The following TMEM196 variants were observed in gnomAD, a reference collection of about 807,000 sequenced individuals.
TMEM196 encodes the protein transmembrane protein 196.
TMEM196 carries 17 observed loss-of-function variants against 20.0 expected under a neutral mutation model. The ratio of observed to expected loss-of-function variants is 0.85; its 90% CI spans 0.58 to 1.27. The LOEUF is 1.27. Ranked by LOEUF, TMEM196 falls within the 50% of genes most tolerant of loss-of-function variation. The probability of loss-of-function intolerance (pLI) is 0.00; values close to 1 mark genes in which losing one functional copy is unlikely to be tolerated. For synonymous variants in TMEM196, 113 were observed against 88.9 expected (o/e 1.27, Z -1.52); for missense variants, 267 against 223.0 (o/e 1.20, Z -1.26).
intron 1 of TMEM196, among the ~76,000 whole-genome samples, chr7:19,755,409 T>G (rs931193292): frequency 1.3e-5 from 2 of 152,184 alleles, no homozygotes; most frequent in African/African-American, 4.8e-5. Flanking sequence ...GTGAATGAAT[T>G]TCAGTTCAGT....
intron 1 of TMEM196, among the ~76,000 whole-genome samples, chr7:19,747,098 A>G (rs1277233390): frequency 6.6e-6 from 1 of 151,494 alleles, no homozygotes; most frequent in African/African-American, 2.4e-5. Flanking sequence ...TACTAAAAAT[A>G]CAAAAAATTA....
At chr7:19,757,011 A>G (rs1258836900) in intron 1 of TMEM196, among the ~76,000 whole-genome samples, 1 of 152,132 alleles carries the variant, frequency 6.6e-6, no homozygotes, top group African/African-American at 2.4e-5. Flanking sequence ...AGTAATGGCT[A>G]CAAGTCAAGA....
At position 19,719,827 on chromosome 7, in the gene TMEM196, A is replaced by G. The variant is rs1370359099; in HGVS notation, c.*2301T>C. The G allele has an allele frequency of 6.6e-6, 1 of 152,106 alleles. No homozygotes were observed. Among genetic ancestry groups the G allele is most frequent in the Non-Finnish European group, 1.5e-5 (1 of 67,944 alleles). 9.4% of individuals were successfully genotyped at this position (152,106 alleles called of 1,614,324 possible). On this transcript the variant is annotated 3_prime_UTR_variant, in exon 5 of 5. Coordinates refer to ENST00000405844, the MANE Select transcript of TMEM196 (RefSeq NM_001363562.2). ...ATACTTGGTTAAACATACACTGTAA[A>G]CTATTTGAATAATTGTGATGATGGC...
At chr7:19,757,951 T>A (rs1037411783) in intron 1 of TMEM196, among the ~76,000 whole-genome samples, 1 of 147,042 alleles carries the variant, frequency 6.8e-6, no homozygotes, top group Admixed American at 6.9e-5. Flanking sequence ...AATGAAGCCA[T>A]TTTTATATAT....
chr7:19,753,927 G>C (rs1211193301), intron 1 of TMEM196, among the ~76,000 whole-genome samples: 1 of 152,080 alleles, frequency 6.6e-6, no homozygotes, highest in Non-Finnish European at 1.5e-5. Context: ...TTCCAGGTTT[G>C]CCACCGAAGG....
intron 1 of TMEM196, among the ~76,000 whole-genome samples, chr7:19,755,744 G>A (rs1455275037): frequency 2.0e-5 from 3 of 152,110 alleles, no homozygotes; most frequent in Admixed American, 6.6e-5. Context: ...AAAACAAAAT[G>A]TGAGGCCAGG....
chr7:19,734,380 A>G (rs1784322119), intron 1 of TMEM196, among the ~76,000 whole-genome samples: 1 of 152,208 alleles, frequency 6.6e-6, no homozygotes, highest in Admixed American at 6.5e-5. Flanking sequence ...TGGCCCTCCA[A>G]ATATGTCCAT....
intron 1 of TMEM196, among the ~76,000 whole-genome samples, chr7:19,761,514 A>T (rs1219918878): frequency 1.3e-5 from 2 of 152,164 alleles, no homozygotes; most frequent in East Asian, 3.9e-4. Flanking sequence ...AAAATGTACA[A>T]CAGACACGTT....
chr7:19,727,704 T>C (rs1265603106), intron 2 of TMEM196, among the ~76,000 whole-genome samples: 1 of 152,188 alleles, frequency 6.6e-6, no homozygotes, highest in African/African-American at 2.4e-5. Flanking sequence ...ATTATTGTTA[T>C]AGAGAAAGCA....
chr7:19,723,933 A>G (rs1003559728), intron 4 of TMEM196, among the ~76,000 whole-genome samples: 2 of 152,184 alleles, frequency 1.3e-5, no homozygotes, highest in Admixed American at 6.5e-5. Flanking sequence ...TTATCCAGAC[A>G]TATCTATTAT....
chr7:19,753,416 G>T (rs956258946), intron 1 of TMEM196, among the ~76,000 whole-genome samples: 1 of 151,992 alleles, frequency 6.6e-6, no homozygotes, highest in Admixed American at 6.6e-5. Context: ...TCTGATCTCA[G>T]CACATGTTCA....
At chr7:19,728,984 A>G (rs963082541) in intron 2 of TMEM196, among the ~76,000 whole-genome samples, 2 of 152,226 alleles carry the variant, frequency 1.3e-5, no homozygotes, top group African/African-American at 2.4e-5. Flanking sequence ...AAGAAAGCCA[A>G]TAATCCTTAG....
intron 1 of TMEM196, among the ~76,000 whole-genome samples, chr7:19,752,772 G>A (rs961273675): frequency 2.6e-5 from 4 of 151,644 alleles, no homozygotes; most frequent in Non-Finnish European, 5.9e-5. Context: ...GCACAACTAC[G>A]CCTGGCTAAT....
At chr7:19,771,225 T>C (rs1040999187) in intron 1 of TMEM196, among the ~76,000 whole-genome samples, 1 of 152,106 alleles carries the variant, frequency 6.6e-6, no homozygotes. Flanking sequence ...ATATATACAT[T>C]GACAAAAATT....
intron 1 of TMEM196, among the ~76,000 whole-genome samples, chr7:19,739,014 C>T (rs1355126106): frequency 1.3e-5 from 2 of 152,026 alleles, no homozygotes; most frequent in African/African-American, 4.8e-5. Flanking sequence ...AGGTCAATGC[C>T]AACAGTGATA....
At chr7:19,769,922 T>G (rs971396742) in intron 1 of TMEM196, among the ~76,000 whole-genome samples, 1 of 152,128 alleles carries the variant, frequency 6.6e-6, no homozygotes, top group African/African-American at 2.4e-5. Context: ...CAATCCCCTA[T>G]GAATAGGGAG....
In TMEM196 at chr7:19,772,551, G is replaced by A. The variant is rs1431131190; in HGVS notation, c.146C>T (p.Pro49Leu). Residue 49 changes from proline to leucine, a missense_variant and splice_region_variant, in exon 1 of 5, where the codon CCG becomes CTG. Transcript: ENST00000405844. ...EHKPQLGDSS[P>L]FLLCGICGIL... ...ACGTACACACACCCCGCTCCATACC[G>A]GGGACGAGTCTCCGAGCTGCGGCTT... The A allele has an allele frequency of 5.2e-6, 8 of 1,541,656 alleles. No homozygotes were observed. Among genetic ancestry groups the A allele is most frequent in the Admixed American group, 2.0e-5 (1 of 49,846 alleles).
intron 2 of TMEM196, among the ~76,000 whole-genome samples, chr7:19,727,623 G>A (rs1315529373): frequency 4.6e-5 from 7 of 151,932 alleles, no homozygotes; most frequent in Non-Finnish European, 1.5e-5. Context: ...CTGTTCTTTG[G>A]GGATATATTT....
chr7:19,726,382 A>T (rs1238801968), intron 2 of TMEM196, among the ~76,000 whole-genome samples: 1 of 152,086 alleles, frequency 6.6e-6, no homozygotes, highest in African/African-American at 2.4e-5. Flanking sequence ...ATTTAGTTAA[A>T]TCTCTTTTTT....
Sources: allele counts gnomAD v4.1 joint callset (sites outside exome capture counted in the v4.1 genomes callset), GRCh38; gene constraint gnomAD v4.1.1; transcripts MANE v1.5; gene names NCBI Gene and HGNC (gene_info 2026-07-23, HGNC 2026-07-21).